Variants in PCNX1 observed in about 807,000 individuals in gnomAD.
PCNX1 encodes pecanex-like protein 1.
PCNX1 carries 78 observed loss-of-function variants against 242.2 expected under a neutral mutation model. That is an observed-to-expected ratio of 0.32 (90% CI 0.27 to 0.39). PCNX1 has a LOEUF of 0.39. Among genes scored for constraint, PCNX1 ranks in the 10% least tolerant of loss-of-function variants. The pLI is 1.00. For missense variants in PCNX1, 2,581 were observed against 2,856.5 expected (o/e 0.90, Z 2.20); for synonymous variants, 1,024 against 1,032.9 (o/e 0.99, Z 0.17).
intron 8 of PCNX1, among the ~76,000 whole-genome samples, chr14:71,001,354 T>C (rs986723729): frequency 2.0e-5 from 3 of 152,194 alleles, no homozygotes; most frequent in African/African-American, 4.8e-5. Flanking sequence ...TTAATGGCTT[T>C]ATGGAAAGCT....
At chr14:70,910,401 C>G (rs1040047826) in intron 1 of PCNX1, among the ~76,000 whole-genome samples, 5 of 151,752 alleles carry the variant, frequency 3.3e-5, no homozygotes, top group Non-Finnish European at 5.9e-5. Flanking sequence ...CTTCTGCTCT[C>G]AGGGCCTGCC....
intron 33 of PCNX1, among the ~76,000 whole-genome samples, chr14:71,106,811 G>A (rs1222284798): frequency 6.6e-6 from 1 of 152,034 alleles, no homozygotes; most frequent in Non-Finnish European, 1.5e-5. Flanking sequence ...TTTTCTTACT[G>A]ATTTGTGTTT....
chr14:70,970,724 C>G (rs986747845), intron 5 of PCNX1, among the ~76,000 whole-genome samples: 3 of 152,196 alleles, frequency 2.0e-5, no homozygotes, highest in African/African-American at 7.2e-5. Flanking sequence ...GCCATGTGGT[C>G]TCTCTTGCTA....
At chr14:70,996,242 A>T (rs952899022) in intron 8 of PCNX1, among the ~76,000 whole-genome samples, 6 of 150,946 alleles carry the variant, frequency 4.0e-5, no homozygotes, top group African/African-American at 1.5e-4. Flanking sequence ...GACTTTTTTA[A>T]AAAAAAAGTT....
At chr14:71,080,141 T>C (rs1349260511) in intron 28 of PCNX1, among the ~76,000 whole-genome samples, 1 of 152,174 alleles carries the variant, frequency 6.6e-6, no homozygotes, top group Non-Finnish European at 1.5e-5. Flanking sequence ...CCTTTCCCCA[T>C]TGTCTTGTTT....
At chr14:71,083,358 T>C (rs1021769047) in intron 28 of PCNX1, among the ~76,000 whole-genome samples, 4 of 152,130 alleles carry the variant, frequency 2.6e-5, no homozygotes, top group African/African-American at 9.7e-5. Flanking sequence ...AGGAGTACCT[T>C]TGTGGTGTTC....
chr14:71,013,406 A>G (rs2059875482), intron 11 of PCNX1, among the ~76,000 whole-genome samples: 2 of 152,176 alleles, frequency 1.3e-5, no homozygotes, highest in African/African-American at 2.4e-5. Context: ...TGCAACTTCA[A>G]TATCTTTTAC....
At chr14:71,015,654 T>C (rs184759115) in intron 11 of PCNX1, among the ~76,000 whole-genome samples, 95 of 152,242 alleles carry the variant, frequency 6.2e-4, no homozygotes, top group Non-Finnish European at 8.8e-5. Flanking sequence ...TAAAAATTCT[T>C]ACCAAAACCT....
Position 71,033,900 on chromosome 14 carries a change from G to A in PCNX1, c.3669-31G>A, listed in dbSNP as rs768912955. 1.4e-5 allele frequency: 15 copies of A among 1,093,480 alleles called. No individual in the cohort carries two copies. In the Admixed American group the frequency reaches 1.8e-4, roughly 13 times the overall value. 67.7% of individuals were successfully genotyped at this position (1,093,480 alleles called of 1,614,324 possible). ...AATTACTGGTTTTCAGATTATCTAT[G>A]TATTTTCTGTTTTTTTTTCTTCACA... On this transcript the variant is annotated intron_variant, in intron 17 of 35. Coordinates refer to ENST00000304743, the MANE Select transcript of PCNX1 (RefSeq NM_014982.3).
chr14:71,103,886 C>T (rs1330821752), intron 32 of PCNX1, among the ~76,000 whole-genome samples: 1 of 152,148 alleles, frequency 6.6e-6, no homozygotes, highest in African/African-American at 2.4e-5. Flanking sequence ...AACCATTGCT[C>T]CATTACTTGG....
At chr14:70,995,714 G>A (rs1400699338) in intron 7 of PCNX1, 27 bp from the exon 8 acceptor site, 2 of 1,601,504 alleles carry the variant, frequency 1.2e-6, no homozygotes, top group Non-Finnish European at 8.6e-7. Flanking sequence ...TCCCTGTAAT[G>A]TCTCCCCAAT....
At chr14:71,073,262 C>T (rs1157870134) in intron 26 of PCNX1, among the ~76,000 whole-genome samples, 1 of 152,210 alleles carries the variant, frequency 6.6e-6, no homozygotes, top group Non-Finnish European at 1.5e-5. Context: ...CACGCCACTG[C>T]ACTCCAGCCT....
intron 5 of PCNX1, among the ~76,000 whole-genome samples, chr14:70,971,608 A>G (rs1207905609): frequency 2.6e-5 from 4 of 152,254 alleles, no homozygotes. Context: ...ATTAATATGG[A>G]ATCATACTGG....
chr14:70,960,860 A>G (rs1355968786), intron 2 of PCNX1, among the ~76,000 whole-genome samples: 1 of 152,124 alleles, frequency 6.6e-6, no homozygotes, highest in African/African-American at 2.4e-5. Flanking sequence ...AAGCATTCTT[A>G]TACACCAATA....
intron 3 of PCNX1, among the ~76,000 whole-genome samples, chr14:70,965,943 A>G (rs919210586): frequency 6.6e-6 from 1 of 152,120 alleles, no homozygotes; most frequent in African/African-American, 2.4e-5. Flanking sequence ...CTCAAGTGTA[A>G]AAAGATACTG....
At position 71,105,359 on chromosome 14, in the gene PCNX1, A is replaced by C. The variant is rs2062583579; in HGVS notation, c.6220A>C (p.Thr2074Pro). ...TTANNPHSNV[T>P]QGSIGNPGQG... ...TGCCAACAATCCCCACAGCAACGTG[A>C]CCCAGGGAAGCATTGGAAATCCTGG... is the stretch of plus-strand genomic sequence containing the variant. The change falls in exon 33 of 36, where the codon ACC (threonine) becomes CCC (proline). Residue 2074 changes from threonine to proline, a missense_variant. Around this residue, in one of 9 missense-constraint regions of PCNX1, gnomAD observed 432 missense variants for 433.6 expected, o/e 1.00. Coordinates refer to ENST00000304743, the MANE Select transcript of PCNX1 (RefSeq NM_014982.3). 1.2e-6 allele frequency: 2 copies of C among 1,613,992 alleles called. No individual in the cohort carries two copies. Among genetic ancestry groups the C allele is most frequent in the Non-Finnish European group, 1.7e-6 (2 of 1,179,994 alleles).
chr14:71,097,965 G>A (rs772849702), intron 30 of PCNX1, among the ~76,000 whole-genome samples: 1 of 152,176 alleles, frequency 6.6e-6, no homozygotes, highest in Non-Finnish European at 1.5e-5. Flanking sequence ...ATTTGTATAT[G>A]GTGAAAGATA....
rs142332730 is a variant in PCNX1 at position 71,036,543 on chromosome 14, A to G, written c.3867+386A>G. On this transcript the variant is annotated intron_variant, in intron 19 of 35. Transcript: ENST00000304743. ...AGTTGCCTACAGTATTCAGTACAGT[A>G]ACATACTATACATTTTTGTAGCTTA... Among the ~76,000 whole-genome samples, 347 of 152,272 alleles carry G rather than the reference A, an allele frequency of 2.3e-3. 2 individuals are homozygous for G. The highest frequency in any genetic ancestry group is 8.0e-3 in the African/African-American group (334 of 41,546).
rs921087125 is a variant in PCNX1 at position 70,908,102 on chromosome 14, C to T, written c.153+99C>T. ...TCCTCTTCCACGGGGTCTCGTCCCC[C>T]GGGGGCCGCCACCCTCTCGGTGTGA... On this transcript the variant is annotated intron_variant, in intron 1 of 35. Coordinates refer to ENST00000304743, the MANE Select transcript of PCNX1 (RefSeq NM_014982.3). 76 of 1,158,774 alleles carry T rather than the reference C, an allele frequency of 6.6e-5. 2 individuals are homozygous for T. In the South Asian group the frequency reaches 6.6e-4, roughly 10 times the overall value. 71.8% of individuals were successfully genotyped at this position (1,158,774 alleles called of 1,614,324 possible).
Sources: allele counts gnomAD v4.1 joint callset (sites outside exome capture counted in the v4.1 genomes callset), GRCh38; gene constraint gnomAD v4.1.1; regional missense constraint gnomAD v4.1.1; transcripts MANE v1.5; gene names NCBI Gene and HGNC (gene_info 2026-07-23, HGNC 2026-07-21).